Variants in DGKB observed in about 807,000 individuals in gnomAD.
DGKB encodes 90 kDa diacylglycerol kinase.
Under a neutral mutation model 114.3 loss-of-function variants are expected in DGKB, and 67 were observed. The observed-to-expected ratio is 0.59, with a 90% CI of 0.48 to 0.72. The LOEUF is 0.72. DGKB is among the 30% of genes least tolerant of loss of function. The pLI is 0.00. For missense variants in DGKB, 907 were observed against 975.2 expected (o/e 0.93, Z 0.93); for synonymous variants, 398 against 323.1 (o/e 1.23, Z -2.49).
chr7:14,501,439 G>C (rs1278892471), intron 20 of DGKB, among the ~76,000 whole-genome samples: 6 of 151,836 alleles, frequency 4.0e-5, no homozygotes, highest in Admixed American at 6.6e-5. Flanking sequence ...CTTATAGTTT[G>C]GCTAAAAGTG....
chr7:14,821,038 C>T (rs1375215371), intron 2 of DGKB, among the ~76,000 whole-genome samples: 2 of 152,098 alleles, frequency 1.3e-5, no homozygotes, highest in Admixed American at 6.6e-5. Context: ...GTCTATGCTC[C>T]TACCCCATAA....
intron 23 of DGKB, among the ~76,000 whole-genome samples, chr7:14,205,159 G>T (rs982861518): frequency 6.6e-6 from 1 of 151,966 alleles, no homozygotes; most frequent in Non-Finnish European, 1.5e-5. Flanking sequence ...GTGTATTCAT[G>T]TGACACAAGC....
At chr7:14,930,184 C>A (rs1426893721) in intron 1 of DGKB, among the ~76,000 whole-genome samples, 1 of 151,928 alleles carries the variant, frequency 6.6e-6, no homozygotes, top group Non-Finnish European at 1.5e-5. Context: ...TCTTTTTGCT[C>A]AGGATTGATT....
In DGKB at chr7:14,147,331, T is replaced by TTTTA. The variant is rs1326009592; in HGVS notation, c.*1796_*1799dup. ...TTATGTCTTAATTTTATTCAAAAGC[T>TTTTA]TTTATTTTTAAAGTAATTAAGCTTA... is the stretch of plus-strand genomic sequence containing the variant. On this transcript the variant is annotated 3_prime_UTR_variant, in exon 26 of 26. Transcript: ENST00000402815. 6.6e-6 allele frequency: 1 copy of TTTTA among 152,306 alleles called. No individual in the cohort carries two copies. Among genetic ancestry groups the TTTTA allele is most frequent in the Non-Finnish European group, 1.5e-5 (1 of 67,992 alleles). The allele number at this position is 152,306 out of a possible 1,614,324, so 9.4% of individuals were successfully genotyped here. A position where few individuals can be genotyped will look rare whatever the true frequency, so the allele number is the denominator to read the frequency against.
At chr7:14,504,426 C>T (rs1786693713) in intron 20 of DGKB, among the ~76,000 whole-genome samples, 1 of 152,146 alleles carries the variant, frequency 6.6e-6, no homozygotes. Context: ...TATCCGGACT[C>T]ATTAAAGTTT....
intron 20 of DGKB, among the ~76,000 whole-genome samples, chr7:14,559,256 T>A (rs1796305575): frequency 6.6e-6 from 1 of 152,240 alleles, no homozygotes; most frequent in Non-Finnish European, 1.5e-5. Flanking sequence ...CCTTGCAGTT[T>A]TATCAATTAC....
chr7:14,418,923 T>C (rs969723807), intron 21 of DGKB, among the ~76,000 whole-genome samples: 9 of 151,810 alleles, frequency 5.9e-5, no homozygotes, highest in Admixed American at 6.6e-5. Context: ...AATCAGGAAA[T>C]AAGGTTGCTT....
At chr7:14,366,979 T>C (rs915335460) in intron 21 of DGKB, among the ~76,000 whole-genome samples, 4 of 152,254 alleles carry the variant, frequency 2.6e-5, no homozygotes, top group East Asian at 3.9e-4. Context: ...GTGATTTTCA[T>C]AGTCTACAAT....
intron 23 of DGKB, among the ~76,000 whole-genome samples, chr7:14,205,193 G>T (rs1321584719): frequency 1.3e-5 from 2 of 151,962 alleles, no homozygotes; most frequent in Non-Finnish European, 2.9e-5. Flanking sequence ...CCATGTCCAT[G>T]TGGGGCTGAG....
chr7:14,589,036 C>T (rs1317610169), intron 17 of DGKB, among the ~76,000 whole-genome samples: 1 of 151,926 alleles, frequency 6.6e-6, no homozygotes, highest in South Asian at 2.1e-4. Flanking sequence ...TGTAGTATTG[C>T]TCGATTTATT....
At chr7:14,768,676 G>A (rs7800915) in intron 2 of DGKB, among the ~76,000 whole-genome samples, 5,288 of 152,020 alleles carry the variant, frequency 0.035, 293 homozygotes, top group African/African-American at 0.12. Context: ...TATGTTGACT[G>A]TATTAAGCTG....
chr7:14,864,763 A>T (rs769649355), intron 1 of DGKB, among the ~76,000 whole-genome samples: 63 of 151,304 alleles, frequency 4.2e-4, no homozygotes, highest in Non-Finnish European at 7.4e-4. Context: ...GACTGAGCAG[A>T]GGCTATGGAC....
chr7:14,429,614 T>C (rs1233869715), intron 21 of DGKB, among the ~76,000 whole-genome samples: 1 of 152,122 alleles, frequency 6.6e-6, no homozygotes, highest in Non-Finnish European at 1.5e-5. Flanking sequence ...CACTTTATAG[T>C]GGATGCACAT....
At chr7:14,357,849 C>A (rs567666141) in intron 21 of DGKB, among the ~76,000 whole-genome samples, 1 of 152,252 alleles carries the variant, frequency 6.6e-6, no homozygotes, top group Admixed American at 6.5e-5. Context: ...TTCTCCTTCA[C>A]TTATGAAGCT....
intron 20 of DGKB, among the ~76,000 whole-genome samples, chr7:14,524,246 TG>T (rs1242704657): frequency 3.3e-5 from 5 of 152,180 alleles, no homozygotes; most frequent in Non-Finnish European, 7.4e-5. Flanking sequence ...CTACTGCTCC[TG>T]GAAAAGAGTA....
chr7:14,724,686 G>A (rs554538359), intron 5 of DGKB, among the ~76,000 whole-genome samples: 1 of 152,340 alleles, frequency 6.6e-6, no homozygotes, highest in East Asian at 1.9e-4. Flanking sequence ...CTTTTGTACA[G>A]TGGTCTTATT....
chr7:14,360,714 C>T (rs1391513799), intron 21 of DGKB, among the ~76,000 whole-genome samples: 1 of 151,948 alleles, frequency 6.6e-6, no homozygotes, highest in African/African-American at 2.4e-5. Context: ...ATAATATTTG[C>T]TTGGCATATT....
intron 2 of DGKB, among the ~76,000 whole-genome samples, chr7:14,773,972 G>A (rs1837790845): frequency 6.6e-6 from 1 of 152,114 alleles, no homozygotes; most frequent in African/African-American, 2.4e-5. Flanking sequence ...TGTGGCTTTT[G>A]CAAATGGACT....
At chr7:14,864,674 G>A (rs940390079) in intron 1 of DGKB, among the ~76,000 whole-genome samples, 2 of 152,002 alleles carry the variant, frequency 1.3e-5, no homozygotes, top group East Asian at 1.9e-4. Flanking sequence ...AAGCAGCAGC[G>A]ATTAGCCAGG....
Sources: allele counts gnomAD v4.1 joint callset (sites outside exome capture counted in the v4.1 genomes callset), GRCh38; gene constraint gnomAD v4.1.1; transcripts MANE v1.5; gene names NCBI Gene and HGNC (gene_info 2026-07-23, HGNC 2026-07-21).